PCCA: variants seen among roughly 807,000 people sequenced by gnomAD.
PCCA encodes the protein propionyl-CoA carboxylase alpha chain, mitochondrial.
In PCCA, 74 loss-of-function variants were observed where a neutral mutation model predicts 101.3. That is an observed-to-expected ratio of 0.73 (90% confidence interval 0.61 to 0.89). PCCA has a LOEUF of 0.89. PCCA is among the 40% of genes least tolerant of loss of function. PCCA has a pLI of 0.00. For synonymous variants in PCCA, 294 were observed against 313.6 expected, an observed-to-expected ratio of 0.94 and a Z score of 0.66; for missense variants, 891 against 907.0, an observed-to-expected ratio of 0.98 and a Z score of 0.23.
chr13:100,336,761 G>A (rs183049831), intron 17 of PCCA, among the ~76,000 whole-genome samples: 1 of 152,318 alleles, frequency 6.6e-6, no homozygotes, highest in Admixed American at 6.5e-5. Flanking sequence ...CTTCACTGAA[G>A]AGCCCACTGT....
chr13:100,160,242 C>T (rs151222535), intron 6 of PCCA, among the ~76,000 whole-genome samples: 108 of 152,226 alleles, frequency 7.1e-4, no homozygotes, highest in African/African-American at 2.5e-3. Flanking sequence ...GTGGCTCATG[C>T]CTGTAATCCC....
At chr13:100,165,119 T>A (rs1262863161) in intron 6 of PCCA, among the ~76,000 whole-genome samples, 1 of 152,226 alleles carries the variant, frequency 6.6e-6, no homozygotes, top group African/African-American at 2.4e-5. Flanking sequence ...TTGTGAATAA[T>A]GCTGCTATGA....
chr13:100,404,198 G>A (rs1443570123), intron 19 of PCCA, among the ~76,000 whole-genome samples: 3 of 152,134 alleles, frequency 2.0e-5, no homozygotes, highest in Admixed American at 6.5e-5. Context: ...ACCAGAGGAC[G>A]GGTAAAGATA....
At chr13:100,376,520 G>A (rs1199302357) in intron 19 of PCCA, among the ~76,000 whole-genome samples, 8 of 152,214 alleles carry the variant, frequency 5.3e-5, no homozygotes, top group Admixed American at 5.2e-4. Flanking sequence ...GAGTGGGGCT[G>A]CTGCCTTTCT....
chr13:100,229,723 C>T (rs950446514), intron 7 of PCCA, among the ~76,000 whole-genome samples: 4 of 152,188 alleles, frequency 2.6e-5, no homozygotes, highest in African/African-American at 7.2e-5. Context: ...GTAGGGTGGG[C>T]GCCTCAGGTT....
At chr13:100,499,742 A>G (rs974187633) in intron 21 of PCCA, among the ~76,000 whole-genome samples, 1 of 152,282 alleles carries the variant, frequency 6.6e-6, no homozygotes, top group Non-Finnish European at 1.5e-5. Flanking sequence ...TGAACTTTGC[A>G]TACATCTGAA....
intron 21 of PCCA, among the ~76,000 whole-genome samples, chr13:100,505,060 A>G (rs1212403133): frequency 6.6e-6 from 1 of 152,120 alleles, no homozygotes; most frequent in Admixed American, 6.5e-5. Context: ...CAGTATTCTG[A>G]CTCCAGATCC....
At chr13:100,126,586 TAGAC>T (rs1398618904) in intron 4 of PCCA, among the ~76,000 whole-genome samples, 1 of 152,114 alleles carries the variant, frequency 6.6e-6, no homozygotes, top group Non-Finnish European at 1.5e-5. Flanking sequence ...TTGTGCCAGG[TAGAC>T]AGACCCATTC....
At chr13:100,260,398 T>TGTGTG (rs59230228) in intron 9 of PCCA, among the ~76,000 whole-genome samples, 7 of 131,806 alleles carry the variant, frequency 5.3e-5, no homozygotes, top group East Asian at 2.2e-4. Flanking sequence ...TGTGTGTGTG[T>TGTGTG]TTTTTTTTTT....
At chr13:100,222,574 C>A (rs2059887306) in intron 7 of PCCA, among the ~76,000 whole-genome samples, 1 of 152,204 alleles carries the variant, frequency 6.6e-6, no homozygotes, top group Admixed American at 6.5e-5. Flanking sequence ...AGTATCTATG[C>A]AGATAGAAGT....
intron 21 of PCCA, among the ~76,000 whole-genome samples, chr13:100,483,371 G>A (rs369767968): frequency 2.8e-4 from 43 of 152,244 alleles, no homozygotes; most frequent in East Asian, 1.4e-3. Context: ...TGTGTCCGGC[G>A]CTGTCCTTTT....
intron 7 of PCCA, among the ~76,000 whole-genome samples, chr13:100,211,795 C>T (rs2059230095): frequency 6.6e-6 from 1 of 152,096 alleles, no homozygotes; most frequent in Non-Finnish European, 1.5e-5. Context: ...GGCTAGAGTG[C>T]AGTGGCATAG....
At chr13:100,278,878 A>G (rs949989106) in intron 12 of PCCA, among the ~76,000 whole-genome samples, 5 of 152,204 alleles carry the variant, frequency 3.3e-5, no homozygotes, top group South Asian at 2.1e-4. Context: ...ATTATGTTCT[A>G]TACCCTCAAA....
At chr13:100,440,339 G>T (rs2080279886) in intron 20 of PCCA, among the ~76,000 whole-genome samples, 1 of 150,698 alleles carries the variant, frequency 6.6e-6, no homozygotes, top group South Asian at 2.1e-4. Flanking sequence ...TATACAAATG[G>T]TTGTCCACAC....
chr13:100,150,470 C>G (rs2053165583), intron 4 of PCCA: 2 of 1,109,560 alleles, frequency 1.8e-6, no homozygotes, highest in Non-Finnish European at 2.4e-6. Flanking sequence ...ATTTTACAAA[C>G]TTTACTTATA....
rs188783032 is a variant in PCCA at position 100,205,767 on chromosome 13, G to A, written c.469-3565G>A. Among the ~76,000 whole-genome samples the A allele has an allele frequency of 4.6e-5, 7 of 152,098 alleles. No homozygotes were observed. The East Asian group carries it at 7.7e-4, about 17-fold the overall frequency. On this transcript the variant is annotated intron_variant, in intron 6 of 23. Coordinates refer to ENST00000376285, the MANE Select transcript of PCCA (RefSeq NM_000282.4). ...TTGATTACATCTGCCTGGCATAGTC[G>A]TTTTTAAAGCAGCATTTATAATAAA...
At chr13:100,176,521 A>G (rs1044125636) in intron 6 of PCCA, among the ~76,000 whole-genome samples, 9 of 152,208 alleles carry the variant, frequency 5.9e-5, no homozygotes, top group Admixed American at 5.9e-4. Context: ...CTACCCATGT[A>G]TCTGTCTACT....
intron 18 of PCCA, among the ~76,000 whole-genome samples, chr13:100,349,222 C>T (rs1056829696): frequency 1.3e-5 from 2 of 152,142 alleles, no homozygotes; most frequent in Admixed American, 6.5e-5. Context: ...CTCCCAGGTT[C>T]AAGCAGTTCT....
At chr13:100,438,671 C>T (rs138668135) in intron 20 of PCCA, among the ~76,000 whole-genome samples, 1 of 151,940 alleles carries the variant, frequency 6.6e-6, no homozygotes, top group East Asian at 1.9e-4. Context: ...TGGCCAGTAA[C>T]AGAGTGGGTT....
Sources: allele counts gnomAD v4.1 joint callset (sites outside exome capture counted in the v4.1 genomes callset), GRCh38; gene constraint gnomAD v4.1.1; transcripts MANE v1.5; gene names NCBI Gene and HGNC (gene_info 2026-07-23, HGNC 2026-07-21).